The following TAFA5 variants were observed in gnomAD, a reference collection of about 807,000 sequenced individuals.
The protein encoded by TAFA5 is TAFA chemokine like family member 5.
TAFA5 carries 6 observed loss-of-function variants against 15.3 expected under a neutral mutation model. That is an observed-to-expected ratio of 0.39 (90% CI 0.21 to 0.77). TAFA5 has a LOEUF of 0.77. Among genes scored for constraint, TAFA5 ranks in the 30% least tolerant of loss-of-function variants. The probability of loss-of-function intolerance (pLI) is 0.41; values close to 1 mark genes in which losing one functional copy is unlikely to be tolerated. For synonymous variants in TAFA5, 103 were observed against 80.7 expected, an observed-to-expected ratio of 1.28 and a Z score of -1.48; for missense variants, 161 against 193.1, an observed-to-expected ratio of 0.83 and a Z score of 0.98.
At chr22:48,633,558 C>CTCTCTCTCTCTCTCT (rs1569056687) in intron 1 of TAFA5, among the ~76,000 whole-genome samples, 4 of 142,712 alleles carry the variant, frequency 2.8e-5, no homozygotes, top group Admixed American at 7.1e-5. Context: ...CTCTCTCTCT[C>CTCTCTCTCTCTCTCT]CATCTCTCCA....
At chr22:48,740,954 G>C in intron 3 of TAFA5, among the ~76,000 whole-genome samples, 1 of 152,176 alleles carries the variant, frequency 6.6e-6, no homozygotes, top group East Asian at 1.9e-4. Flanking sequence ...CTGCCTCCTC[G>C]CAGGGCCCCG....
At chr22:48,527,915 C>T (rs1042881134) in intron 1 of TAFA5, among the ~76,000 whole-genome samples, 19 of 152,224 alleles carry the variant, frequency 1.2e-4, no homozygotes, top group Non-Finnish European at 2.5e-4. Flanking sequence ...GGTGCAATCC[C>T]GCCTTCCCAG....
chr22:48,751,613 A>G lies in TAFA5; in HGVS notation c.*1766A>G, dbSNP rs1217849802. On this transcript the variant is annotated 3_prime_UTR_variant, in exon 4 of 4. Transcript: ENST00000402357. ...TGAGGACATAATTTACCTTTCAGTC[A>G]CCACAAATTTATAGGCATTTGTATC... 1.3e-5 allele frequency: 2 copies of G among 152,358 alleles called. No individual in the cohort carries two copies. The highest frequency in any genetic ancestry group is 2.9e-5 in the Non-Finnish European group (2 of 68,018). The allele number at this position is 152,358 out of a possible 1,614,324, so 9.4% of individuals were successfully genotyped here.
At chr22:48,620,599 C>T (rs1227362861) in intron 1 of TAFA5, among the ~76,000 whole-genome samples, 1 of 9,594 alleles carries the variant, frequency 1.0e-4, no homozygotes, top group Non-Finnish European at 2.2e-4. Context: ...ACCCACCCCC[C>T]TACCCATCCT....
At chr22:48,492,137 T>C (rs968302112) in intron 1 of TAFA5, among the ~76,000 whole-genome samples, 11 of 130,382 alleles carry the variant, frequency 8.4e-5, no homozygotes, top group Admixed American at 2.3e-4. Context: ...TCCCCCCCCC[T>C]TTTTTCAGAA....
intron 2 of TAFA5, among the ~76,000 whole-genome samples, chr22:48,669,574 G>A (rs9628595): frequency 0.37 from 55,936 of 152,146 alleles, 10,521 homozygotes; most frequent in East Asian, 0.45. Flanking sequence ...TTCCAAAATT[G>A]GATGCAGCAG....
intron 2 of TAFA5, among the ~76,000 whole-genome samples, chr22:48,702,340 C>T (rs540504345): frequency 2.6e-5 from 4 of 151,972 alleles, no homozygotes; most frequent in Admixed American, 6.5e-5. Flanking sequence ...GGCTGGGACT[C>T]GGGGGCTGTG....
chr22:48,606,835 T>C (rs1047776490), intron 1 of TAFA5, among the ~76,000 whole-genome samples: 1 of 152,214 alleles, frequency 6.6e-6, no homozygotes, highest in African/African-American at 2.4e-5. Flanking sequence ...GATTTAGTGC[T>C]GTCAGACGCT....
intron 1 of TAFA5, among the ~76,000 whole-genome samples, chr22:48,596,095 T>C (rs943828606): frequency 2.6e-5 from 4 of 152,260 alleles, no homozygotes. Flanking sequence ...ACAAGGAGCG[T>C]AGGAATTTCA....
intron 2 of TAFA5, among the ~76,000 whole-genome samples, chr22:48,702,553 G>A (rs1332603620): frequency 2.0e-5 from 3 of 147,616 alleles, no homozygotes; most frequent in African/African-American, 5.4e-5. Flanking sequence ...TGCCCTTTAC[G>A]CCCCGTGCCC....
chr22:48,591,049 G>A (rs372843610), intron 1 of TAFA5, among the ~76,000 whole-genome samples: 6 of 152,014 alleles, frequency 3.9e-5, no homozygotes, highest in Non-Finnish European at 5.9e-5. Context: ...ATGGGGTTTC[G>A]CCATGTTGGC....
At chr22:48,634,145 T>C (rs111351078) in intron 1 of TAFA5, among the ~76,000 whole-genome samples, 13,443 of 105,968 alleles carry the variant, frequency 0.13, 662 homozygotes, top group East Asian at 0.26. Flanking sequence ...CACTCACTCA[T>C]TTATTCACTC....
At position 48,555,397 on chromosome 22, in the gene TAFA5, G is replaced by C. The variant is rs550076300; in HGVS notation, c.112+65693G>C. On this transcript the variant is annotated intron_variant, in intron 1 of 3. Transcript: ENST00000402357. ...AGCCCTGGTGCTCAGACCGTGTCCTGCGAGGGATTTCCGGGGAGGGCGGCT... is the reference window on the plus strand; with the variant it reads ...AGCCCTGGTGCTCAGACCGTGTCCTCCGAGGGATTTCCGGGGAGGGCGGCT... Among the ~76,000 whole-genome samples, 19 of 152,340 alleles carry C rather than the reference G, an allele frequency of 1.2e-4. No homozygotes were observed. The South Asian group carries it at 3.9e-3, about 32-fold the overall frequency.
chr22:48,638,056 G>C (rs1294675452), intron 1 of TAFA5, among the ~76,000 whole-genome samples: 1 of 152,054 alleles, frequency 6.6e-6, no homozygotes, highest in African/African-American at 2.4e-5. Context: ...CACACACCTT[G>C]AGATTCTCAG....
At chr22:48,662,639 G>A (rs1344714735) in intron 2 of TAFA5, among the ~76,000 whole-genome samples, 2 of 152,212 alleles carry the variant, frequency 1.3e-5, no homozygotes, top group East Asian at 1.9e-4. Flanking sequence ...TCTGCCCCCC[G>A]GCTGGTGCGA....
chr22:48,744,210 C>G (rs1418853059), intron 3 of TAFA5, among the ~76,000 whole-genome samples: 1 of 152,148 alleles, frequency 6.6e-6, no homozygotes, highest in Non-Finnish European at 1.5e-5. Flanking sequence ...TAGTCCCTGA[C>G]ATTTCTTGGT....
intron 1 of TAFA5, among the ~76,000 whole-genome samples, chr22:48,634,978 G>A (rs939794079): frequency 2.0e-5 from 3 of 152,194 alleles, no homozygotes; most frequent in African/African-American, 7.2e-5. Flanking sequence ...CCAAAGCAGG[G>A]TCCCAGGGAG....
chr22:48,725,118 C>G (rs1010860914), intron 3 of TAFA5, among the ~76,000 whole-genome samples: 8 of 152,262 alleles, frequency 5.3e-5, no homozygotes, highest in African/African-American at 1.7e-4. Flanking sequence ...TGGCGGGAAG[C>G]CTGTCGGGCA....
chr22:48,724,264 G>T (rs191089609), intron 3 of TAFA5, among the ~76,000 whole-genome samples: 174 of 152,346 alleles, frequency 1.1e-3, no homozygotes, highest in African/African-American at 3.4e-3. Flanking sequence ...TTTGTTGTTG[G>T]TTAGATTTGG....
Sources: allele counts gnomAD v4.1 joint callset (sites outside exome capture counted in the v4.1 genomes callset), GRCh38; gene constraint gnomAD v4.1.1; transcripts MANE v1.5; gene names NCBI Gene and HGNC (gene_info 2026-07-23, HGNC 2026-07-21).